Variants in CSGALNACT1 observed in about 807,000 individuals in gnomAD.
CSGALNACT1 encodes beta4GalNAcT-1.
CSGALNACT1 carries 52 observed loss-of-function variants against 51.0 expected under a neutral mutation model. The ratio of observed to expected loss-of-function variants is 1.02; its 90% confidence interval spans 0.82 to 1.29. CSGALNACT1 has a LOEUF of 1.29. Among genes scored for constraint, CSGALNACT1 ranks in the 50% most tolerant of loss-of-function variants. CSGALNACT1 has a pLI of 0.00. For synonymous variants in CSGALNACT1, 341 were observed against 254.4 expected (o/e 1.34, Z -3.24); for missense variants, 935 against 679.2 (o/e 1.38, Z -4.19).
intron 4 of CSGALNACT1, among the ~76,000 whole-genome samples, chr8:19,460,913 G>C (rs2065220719): frequency 1.3e-5 from 2 of 152,114 alleles, no homozygotes; most frequent in South Asian, 4.2e-4. Context: ...CCACAGAGAG[G>C]AGTGTGGTCC....
chr8:19,665,673 A>G (rs1317345641), intron 1 of CSGALNACT1, among the ~76,000 whole-genome samples: 1 of 152,202 alleles, frequency 6.6e-6, no homozygotes, highest in Non-Finnish European at 1.5e-5. Context: ...TTCTGCGACC[A>G]GAACCAAAGA....
chr8:19,423,487 A>T (rs1222986161), intron 6 of CSGALNACT1, among the ~76,000 whole-genome samples: 1 of 152,170 alleles, frequency 6.6e-6, no homozygotes, highest in Non-Finnish European at 1.5e-5. Flanking sequence ...TCTGTGCATG[A>T]ATCCCCTAAC....
intron 3 of CSGALNACT1, among the ~76,000 whole-genome samples, chr8:19,551,512 C>G (rs373185112): frequency 6.6e-6 from 1 of 152,178 alleles, no homozygotes; most frequent in African/African-American, 2.4e-5. Context: ...GTCTCCCTGT[C>G]GGTTCACTGG....
intron 1 of CSGALNACT1, among the ~76,000 whole-genome samples, chr8:19,646,331 T>C (rs1053569829): frequency 6.6e-6 from 1 of 152,356 alleles, no homozygotes; most frequent in Non-Finnish European, 1.5e-5. Flanking sequence ...AAAGATCCTG[T>C]GTGATTTTGC....
chr8:19,742,094 C>G (rs761080924), intron 1 of CSGALNACT1, among the ~76,000 whole-genome samples: 1 of 152,170 alleles, frequency 6.6e-6, no homozygotes, highest in African/African-American at 2.4e-5. Context: ...ATACACTAGG[C>G]AAAATATAAA....
At chr8:19,602,328 A>T (rs948793410) in exon 1 of CSGALNACT1, 1 of 152,464 alleles carries the variant, frequency 6.6e-6, no homozygotes, top group Non-Finnish European at 1.5e-5. Context: ...CACTTAAAAA[A>T]AACGGTTTCA....
intron 4 of CSGALNACT1, among the ~76,000 whole-genome samples, chr8:19,490,805 T>C (rs766594895): frequency 1.3e-5 from 2 of 152,202 alleles, no homozygotes; most frequent in Admixed American, 6.5e-5. Flanking sequence ...TAAAGACTGA[T>C]TGAGACCTAG....
chr8:19,694,901 C>A (rs189382175), intron 1 of CSGALNACT1, among the ~76,000 whole-genome samples: 1 of 152,292 alleles, frequency 6.6e-6, no homozygotes, highest in Non-Finnish European at 1.5e-5. Context: ...TTCCATGCTG[C>A]CTCTGCAGCA....
At chr8:19,440,897 A>C (rs2153751442) in intron 5 of CSGALNACT1, among the ~76,000 whole-genome samples, 3 of 152,304 alleles carry the variant, frequency 2.0e-5, no homozygotes, top group Admixed American at 2.0e-4. Context: ...AATGTACAAA[A>C]ATCACAAGCA....
exon 10 of CSGALNACT1, chr8:19,404,704 G>A (rs1346940371): frequency 2.2e-6 from 1 of 454,256 alleles, no homozygotes; most frequent in Non-Finnish European, 4.4e-6. Flanking sequence ...GGTTCACACG[G>A]TATACTTTGG....
At position 19,477,369 on chromosome 8, in the gene CSGALNACT1, C is replaced by A. The variant is rs193205955; in HGVS notation, c.635-18727G>T. 2.0e-5 allele frequency among the ~76,000 whole-genome samples: 3 copies of A among 152,286 alleles called. No homozygotes were observed. In the East Asian group the frequency reaches 5.8e-4, roughly 29 times the overall value. On this transcript the variant is annotated intron_variant, in intron 4 of 9. Coordinates refer to ENST00000454498, the Ensembl canonical transcript of CSGALNACT1. ...AAATGGGTGGCTAAGACCCCAAAAT[C>A]CCACACAACTGAGCACGGCTATAAT...
intron 2 of CSGALNACT1, among the ~76,000 whole-genome samples, chr8:19,592,211 A>G (rs1278555133): frequency 6.6e-6 from 1 of 152,250 alleles, no homozygotes; most frequent in Non-Finnish European, 1.5e-5. Flanking sequence ...TTTAAAGGAC[A>G]TTAAGTCAAT....
In CSGALNACT1 at chr8:19,577,401, C is replaced by CAAAAAAA. The variant is rs111734132; in HGVS notation, c.-297+13752_-297+13758dup. ...ACAACGAAGCCCGACCCCACCTCTACAAAAAAAAAAAAAGCCTAGTATGGT... is the reference window on the plus strand; with the variant it reads ...ACAACGAAGCCCGACCCCACCTCTACAAAAAAAAAAAAAAAAAAAAGCCTAGTATGGT... On this transcript the variant is annotated intron_variant, in intron 3 of 9. Coordinates refer to ENST00000454498, the Ensembl canonical transcript of CSGALNACT1. Among the ~76,000 whole-genome samples, 14 of 104,254 alleles carry CAAAAAAA rather than the reference C, an allele frequency of 1.3e-4. 1 individual carries two copies. Among genetic ancestry groups the CAAAAAAA allele is most frequent in the African/African-American group, 6.1e-4 (14 of 23,100 alleles). 68.4% of individuals were successfully genotyped at this position (104,254 alleles called of 152,430 possible). A position where few individuals can be genotyped will look rare whatever the true frequency, so the allele number is the denominator to read the frequency against.
At chr8:19,466,353 G>T (rs2066672134) in intron 4 of CSGALNACT1, among the ~76,000 whole-genome samples, 1 of 152,080 alleles carries the variant, frequency 6.6e-6, no homozygotes, top group Non-Finnish European at 1.5e-5. Flanking sequence ...GATCATTTAA[G>T]ATAAAGAAAA....
At chr8:19,666,976 A>G (rs1199133218) in intron 1 of CSGALNACT1, among the ~76,000 whole-genome samples, 1 of 10,714 alleles carries the variant, frequency 9.3e-5, no homozygotes, top group African/African-American at 7.2e-4. Context: ...AGAAAGAAAG[A>G]AAGAAAGAAA....
At chr8:19,600,712 C>G (rs2050221051) in intron 2 of CSGALNACT1, among the ~76,000 whole-genome samples, 1 of 151,514 alleles carries the variant, frequency 6.6e-6, no homozygotes, top group Non-Finnish European at 1.5e-5. Context: ...AAATACAGTT[C>G]TTTATGAAAC....
chr8:19,407,188 T>C (rs1045378063), intron 9 of CSGALNACT1, among the ~76,000 whole-genome samples: 41 of 97,048 alleles, frequency 4.2e-4, no homozygotes, highest in Admixed American at 1.6e-3. Flanking sequence ...GACTTCAACA[T>C]TTTTTTTTTA....
intron 3 of CSGALNACT1, among the ~76,000 whole-genome samples, chr8:19,558,802 A>G (rs1006011295): frequency 1.3e-5 from 2 of 152,174 alleles, no homozygotes; most frequent in Non-Finnish European, 2.9e-5. Context: ...GTTATTAAAA[A>G]AATGGTTTCA....
intron 3 of CSGALNACT1, among the ~76,000 whole-genome samples, chr8:19,586,188 C>T (rs1201498182): frequency 3.3e-5 from 5 of 152,012 alleles, no homozygotes; most frequent in Non-Finnish European, 5.9e-5. Context: ...CATAGCAAAA[C>T]CCCGTCTCTA....
Sources: gnomAD v4.1 joint callset for allele counts (sites outside exome capture counted in the v4.1 genomes callset) on GRCh38, gnomAD v4.1.1 for gene constraint, MANE v1.5 for transcripts, NCBI Gene and HGNC (gene_info 2026-07-23, HGNC 2026-07-21) for gene names.